Variants in SLC12A2 observed in about 807,000 individuals in gnomAD.
The protein encoded by SLC12A2 is Na-K-2Cl cotransporter 1.
SLC12A2 carries 67 observed loss-of-function variants against 136.3 expected under a neutral mutation model. That is an observed-to-expected ratio of 0.49 (90% confidence interval 0.40 to 0.60). The LOEUF (loss-of-function observed/expected upper bound fraction) is 0.60, where lower values mean the gene tolerates loss of function less well. Among genes scored for constraint, SLC12A2 ranks in the 20% least tolerant of loss-of-function variants. SLC12A2 has a pLI of 0.00. For missense variants in SLC12A2, 1,322 were observed against 1,534.7 expected (o/e 0.86, Z 2.32); for synonymous variants, 619 against 562.9 (o/e 1.10, Z -1.41).
intron 1 of SLC12A2, among the ~76,000 whole-genome samples, chr5:128,087,789 G>A (rs543838283): frequency 1.3e-5 from 2 of 152,216 alleles, no homozygotes; most frequent in African/African-American, 2.4e-5. Context: ...GATAGTAAAG[G>A]TTGGTGGCAC....
chr5:128,151,510 G>T, intron 14 of SLC12A2, 114 bp downstream of exon 14: 1 of 996,254 alleles, frequency 1.0e-6, no homozygotes, highest in Non-Finnish European at 1.4e-6. Flanking sequence ...ATATTTGAAA[G>T]CTACTTTGTA....
intron 17 of SLC12A2, among the ~76,000 whole-genome samples, chr5:128,163,683 A>G (rs571897135): frequency 3.9e-4 from 59 of 152,336 alleles, no homozygotes; most frequent in African/African-American, 1.4e-3. Flanking sequence ...ACATGGATAC[A>G]CCTCAGAAAC....
intron 4 of SLC12A2, among the ~76,000 whole-genome samples, chr5:128,130,577 G>C (rs896237189): frequency 6.6e-6 from 1 of 151,304 alleles, no homozygotes; most frequent in Admixed American, 6.6e-5. Context: ...AGCTGCTCAG[G>C]AGGCTGAGGC....
intron 4 of SLC12A2, among the ~76,000 whole-genome samples, chr5:128,126,523 A>G (rs1315916875): frequency 6.6e-6 from 1 of 152,192 alleles, no homozygotes; most frequent in East Asian, 1.9e-4. Context: ...AATGCTGTGT[A>G]TATACCCAAA....
chr5:128,160,810 G>T (rs920342441), intron 16 of SLC12A2, among the ~76,000 whole-genome samples: 1 of 151,692 alleles, frequency 6.6e-6, no homozygotes, highest in Admixed American at 6.6e-5. Flanking sequence ...TAATTGTTCT[G>T]CTTATACAGT....
At chr5:128,102,632 T>TTTTA (rs1760787659) in intron 1 of SLC12A2, among the ~76,000 whole-genome samples, 2 of 129,924 alleles carry the variant, frequency 1.5e-5, no homozygotes, top group Non-Finnish European at 3.2e-5. Context: ...TTTTTTCTTT[T>TTTTA]GAGGTAGTCT....
intron 18 of SLC12A2, chr5:128,168,704 A>G (rs1465088264): frequency 6.6e-6 from 1 of 152,220 alleles, no homozygotes; most frequent in African/African-American, 2.4e-5. Context: ...TAAGGAGCGC[A>G]CAACCTAGAT....
Position 128,164,507 on chromosome 5 carries a change from C to T in SLC12A2, c.2616+2707C>T, listed in dbSNP as rs372191780. Among the ~76,000 whole-genome samples the T allele has an allele frequency of 7.9e-5, 12 of 152,194 alleles. No individual in the cohort carries two copies. The East Asian group carries it at 1.7e-3, about 22-fold the overall frequency. On this transcript the variant is annotated intron_variant, in intron 17 of 26. Transcript: ENST00000262461. ...ATGAAATATTATTACAAATAGGTGCCGGTTGCCTCTGTACAACTAGTAACT... is the reference window on the plus strand; with the variant it reads ...ATGAAATATTATTACAAATAGGTGCTGGTTGCCTCTGTACAACTAGTAACT...
chr5:128,176,291 T>C (rs763603776), intron 20 of SLC12A2, among the ~76,000 whole-genome samples: 4 of 152,034 alleles, frequency 2.6e-5, no homozygotes, highest in Non-Finnish European at 5.9e-5. Context: ...TAATGAAAGT[T>C]TACTCAGCTG....
chr5:128,160,829 C>T (rs1029927697), intron 16 of SLC12A2, among the ~76,000 whole-genome samples: 3 of 150,606 alleles, frequency 2.0e-5, no homozygotes, highest in South Asian at 4.2e-4. Context: ...GTGGCAAAGT[C>T]AAGGGGTGTG....
At chr5:128,163,623 A>C (rs1763112745) in intron 17 of SLC12A2, among the ~76,000 whole-genome samples, 1 of 152,194 alleles carries the variant, frequency 6.6e-6, no homozygotes, top group Non-Finnish European at 1.5e-5. Flanking sequence ...AATGTAGTAC[A>C]AATGTATGGT....
Position 128,117,604 on chromosome 5 carries a change from C to T in SLC12A2, c.1048+2923C>T, listed in dbSNP as rs956064119. Among the ~76,000 whole-genome samples the T allele has an allele frequency of 2.0e-5, 3 of 152,046 alleles. No individual in the cohort carries two copies. In the East Asian group the frequency reaches 5.8e-4, roughly 29 times the overall value. On this transcript the variant is annotated intron_variant, in intron 4 of 26. Transcript: ENST00000262461. ...TGGTTCAAAGACTTAAATCTAAGAC[C>T]TGAAACCATAGAAATTCTAGGAGAT...
At chr5:128,115,307 T>C (rs1261794047) in intron 4 of SLC12A2, among the ~76,000 whole-genome samples, 3 of 152,110 alleles carry the variant, frequency 2.0e-5, no homozygotes, top group Admixed American at 1.3e-4. Flanking sequence ...GTATTTTTAG[T>C]AGAGATGGCG....
intron 1 of SLC12A2, chr5:128,110,975 A>G: frequency 2.5e-6 from 2 of 797,502 alleles, no homozygotes; most frequent in Non-Finnish European, 2.3e-6. Context: ...TGCCATAGGA[A>G]AAAGACCAAA....
intron 15 of SLC12A2, among the ~76,000 whole-genome samples, chr5:128,154,916 A>T (rs547251518): frequency 3.5e-4 from 53 of 150,840 alleles, no homozygotes; most frequent in African/African-American, 1.0e-3. Flanking sequence ...TTTGCGTAAA[A>T]TTTTTTTTCT....
chr5:128,122,845 A>G (rs189774497), intron 4 of SLC12A2, among the ~76,000 whole-genome samples: 80 of 152,214 alleles, frequency 5.3e-4, no homozygotes, highest in African/African-American at 1.9e-3. Context: ...ATTCAGCTCC[A>G]TAGTTCCTTT....
chr5:128,167,656 A>G (rs1042888041), intron 17 of SLC12A2, 105 bp from the exon 18 acceptor site: 23 of 664,104 alleles, frequency 3.5e-5, no homozygotes, highest in Middle Eastern at 3.9e-4. Context: ...ATTTTTGTTA[A>G]GAGTGTCTAT....
chr5:128,102,814 T>A (rs1016580917), intron 1 of SLC12A2, among the ~76,000 whole-genome samples: 11 of 151,120 alleles, frequency 7.3e-5, no homozygotes, highest in Non-Finnish European at 1.5e-4. Flanking sequence ...TGAAATGGAG[T>A]TTCACCTTTG....
intron 9 of SLC12A2, among the ~76,000 whole-genome samples, chr5:128,140,489 T>C (rs1026939616): frequency 4.6e-5 from 7 of 152,252 alleles, no homozygotes; most frequent in Non-Finnish European, 8.8e-5. Context: ...ACATAATTGA[T>C]TATGTTTTAA....
Sources: gnomAD v4.1 joint callset for allele counts (sites outside exome capture counted in the v4.1 genomes callset) on GRCh38, gnomAD v4.1.1 for gene constraint, MANE v1.5 for transcripts, NCBI Gene and HGNC (gene_info 2026-07-23, HGNC 2026-07-21) for gene names.